Variants in ITGBL1 observed in about 807,000 individuals in gnomAD.
ITGBL1 encodes the protein integrin beta-like protein 1.
A neutral mutation model predicts 68.5 loss-of-function variants in ITGBL1; 51 were observed. The ratio of observed to expected loss-of-function variants is 0.74; its 90% CI spans 0.59 to 0.94. The LOEUF is 0.94. Among genes scored for constraint, ITGBL1 ranks in the 40% least tolerant of loss-of-function variants. ITGBL1 has a pLI of 0.00. For missense variants in ITGBL1, 649 were observed against 647.4 expected (o/e 1.00, Z -0.03); for synonymous variants, 209 against 227.3 (o/e 0.92, Z 0.72).
chr13:101,640,131 CAAG>C (rs1269630091), intron 7 of ITGBL1, among the ~76,000 whole-genome samples: 1 of 152,028 alleles, frequency 6.6e-6, no homozygotes, highest in East Asian at 1.9e-4. Flanking sequence ...TTCAGAAAGA[CAAG>C]AAGTCCATGA....
chr13:101,553,431 A>G (rs2049952959), intron 2 of ITGBL1, among the ~76,000 whole-genome samples: 1 of 152,170 alleles, frequency 6.6e-6, no homozygotes, highest in African/African-American at 2.4e-5. Flanking sequence ...TTACTTTTTG[A>G]AACTGCAAAC....
At chr13:101,476,932 C>G (rs2048546238) in intron 2 of ITGBL1, among the ~76,000 whole-genome samples, 1 of 152,130 alleles carries the variant, frequency 6.6e-6, no homozygotes, top group Non-Finnish European at 1.5e-5. Context: ...CAGCATTGGA[C>G]AGATCATCTA....
intron 7 of ITGBL1, among the ~76,000 whole-genome samples, chr13:101,604,887 TACACACACACAC>T (rs1555361670): frequency 4.1e-4 from 9 of 22,156 alleles, no homozygotes; most frequent in African/African-American, 7.5e-4. Context: ...TATATATATA[TACACACACACAC>T]ACATATATAT....
intron 2 of ITGBL1, among the ~76,000 whole-genome samples, chr13:101,472,306 GAT>G (rs1353149074): frequency 3.3e-5 from 5 of 152,120 alleles, no homozygotes; most frequent in Admixed American, 2.6e-4. Flanking sequence ...GCACAGCAAA[GAT>G]AACAACCAAA....
intron 7 of ITGBL1, among the ~76,000 whole-genome samples, chr13:101,637,873 G>A (rs1005443346): frequency 6.6e-6 from 1 of 152,136 alleles, no homozygotes; most frequent in Non-Finnish European, 1.5e-5. Flanking sequence ...AGTTGATTTT[G>A]TGCAGTAAGG....
chr13:101,507,840 T>G (rs1446981022), intron 2 of ITGBL1, among the ~76,000 whole-genome samples: 1 of 152,212 alleles, frequency 6.6e-6, no homozygotes, highest in African/African-American at 2.4e-5. Flanking sequence ...TATCCTGTTC[T>G]CTTTCCAAGT....
At chr13:101,698,110 G>T (rs974298668) in intron 8 of ITGBL1, among the ~76,000 whole-genome samples, 1 of 152,066 alleles carries the variant, frequency 6.6e-6, no homozygotes. Context: ...CACTCATTTT[G>T]GTAATTTTTT....
intron 7 of ITGBL1, among the ~76,000 whole-genome samples, chr13:101,612,821 C>T (rs2031195492): frequency 6.6e-6 from 1 of 152,176 alleles, no homozygotes; most frequent in South Asian, 2.1e-4. Context: ...CTCCTCTTCA[C>T]TGGCAAGGTC....
chr13:101,492,299 G>A (rs575882342), intron 2 of ITGBL1, among the ~76,000 whole-genome samples: 11 of 152,224 alleles, frequency 7.2e-5, no homozygotes, highest in Non-Finnish European at 1.6e-4. Context: ...GTTCAAAGGC[G>A]TTAAGTCAAT....
chr13:101,527,933 C>T (rs1002187179), intron 2 of ITGBL1, among the ~76,000 whole-genome samples: 13 of 151,790 alleles, frequency 8.6e-5, no homozygotes, highest in African/African-American at 2.9e-4. Flanking sequence ...GGCAGGTATA[C>T]ATATTGCAAG....
chr13:101,715,798 C>T lies in ITGBL1; in HGVS notation c.*144C>T, dbSNP rs112431674. 11 of 536,126 alleles carry T rather than the reference C, an allele frequency of 2.1e-5. No individual in the cohort carries two copies. Among genetic ancestry groups the T allele is most frequent in the African/African-American group, 5.8e-5 (3 of 52,010 alleles). 33.2% of individuals were successfully genotyped at this position (536,126 alleles called of 1,614,324 possible). A position where few individuals can be genotyped will look rare whatever the true frequency, so the allele number is the denominator to read the frequency against. On this transcript the variant is annotated 3_prime_UTR_variant, in exon 11 of 11. Coordinates refer to ENST00000376180, the MANE Select transcript of ITGBL1 (RefSeq NM_004791.3). ...CTATTTCTGAATTACGAATGAAATC[C>T]GAGTACCTATTAGAAATGAGTTATG...
At chr13:101,647,115 C>T (rs1443357233) in intron 7 of ITGBL1, among the ~76,000 whole-genome samples, 1 of 151,994 alleles carries the variant, frequency 6.6e-6, no homozygotes, top group African/African-American at 2.4e-5. Context: ...TCTTAGTTAG[C>T]ATGATGTTTG....
chr13:101,508,240 T>C (rs1416709771), intron 2 of ITGBL1, among the ~76,000 whole-genome samples: 1 of 152,216 alleles, frequency 6.6e-6, no homozygotes, highest in African/African-American at 2.4e-5. Context: ...CCTCAGTACC[T>C]AACATTTTGC....
At chr13:101,513,663 C>T (rs1191691253) in intron 2 of ITGBL1, among the ~76,000 whole-genome samples, 3 of 152,088 alleles carry the variant, frequency 2.0e-5, no homozygotes, top group African/African-American at 7.2e-5. Flanking sequence ...TGCTCTTGCA[C>T]TTCTAAGTCT....
At chr13:101,495,723 AG>A (rs552807253) in intron 2 of ITGBL1, among the ~76,000 whole-genome samples, 1 of 152,016 alleles carries the variant, frequency 6.6e-6, no homozygotes, top group Non-Finnish European at 1.5e-5. Context: ...AAGAAGATTA[AG>A]GGGGGGTCTT....
chr13:101,535,338 C>T (rs2049554379), intron 2 of ITGBL1, among the ~76,000 whole-genome samples: 2 of 152,076 alleles, frequency 1.3e-5, no homozygotes, highest in South Asian at 2.1e-4. Context: ...AGGCTTCACC[C>T]ACTCTTTCAG....
intron 2 of ITGBL1, among the ~76,000 whole-genome samples, chr13:101,492,836 A>C (rs16958962): frequency 1.3e-5 from 2 of 152,110 alleles, no homozygotes; most frequent in Admixed American, 6.6e-5. Flanking sequence ...TGAATTCCCA[A>C]AGCCGAATAT....
At chr13:101,685,233 C>A (rs920929612) in intron 7 of ITGBL1, among the ~76,000 whole-genome samples, 15 of 151,926 alleles carry the variant, frequency 9.9e-5, no homozygotes, top group Admixed American at 9.8e-4. Context: ...TAAGTCTTCT[C>A]CTATGGCCTT....
intron 6 of ITGBL1, 58 bp downstream of exon 6, chr13:101,583,414 T>TAA (rs370279713): frequency 3.0e-4 from 316 of 1,047,464 alleles, no homozygotes; most frequent in Middle Eastern, 5.2e-4. Context: ...TGTTAATGGG[T>TAA]AAAAAAAAAA....
Sources: gnomAD v4.1 joint callset for allele counts (sites outside exome capture counted in the v4.1 genomes callset) on GRCh38, gnomAD v4.1.1 for gene constraint, MANE v1.5 for transcripts, NCBI Gene and HGNC (gene_info 2026-07-23, HGNC 2026-07-21) for gene names.